Variants in ACACA observed in about 807,000 individuals in gnomAD.
The protein encoded by ACACA is acetyl-CoA carboxylase 1.
Under a neutral mutation model 296.1 loss-of-function variants are expected in ACACA, and 103 were observed. That is an observed-to-expected ratio of 0.35 (90% CI 0.30 to 0.41). The LOEUF is 0.41. ACACA is among the 10% of genes least tolerant of loss of function. The probability of loss-of-function intolerance (pLI) is 1.00; values close to 1 mark genes in which losing one functional copy is unlikely to be tolerated. For synonymous variants in ACACA, 953 were observed against 1,038.6 expected, an observed-to-expected ratio of 0.92 and a Z score of 1.58; for missense variants, 1,554 against 2,989.7, an observed-to-expected ratio of 0.52 and a Z score of 11.20.
chr17:37,195,892 C>T (rs2077973854), intron 35 of ACACA, among the ~76,000 whole-genome samples: 1 of 152,050 alleles, frequency 6.6e-6, no homozygotes, highest in African/African-American at 2.4e-5. Context: ...GGGCAAATAT[C>T]ATAATTGAAT....
At chr17:37,110,408 A>G (rs1258834739) in intron 52 of ACACA, among the ~76,000 whole-genome samples, 1 of 152,360 alleles carries the variant, frequency 6.6e-6, no homozygotes, top group Non-Finnish European at 1.5e-5. Context: ...GTGGCAATAG[A>G]TTTTAGAAAC....
chr17:37,293,539 C>CTTTTTTTTTTTTTT (rs58534025), intron 3 of ACACA, among the ~76,000 whole-genome samples: 2 of 124,612 alleles, frequency 1.6e-5, no homozygotes, highest in African/African-American at 3.0e-5. Flanking sequence ...AATTTTAGGA[C>CTTTTTTTTTTTTTT]TTTTTTTTTT....
At chr17:37,358,681 G>T (rs2049259084) in intron 1 of ACACA, among the ~76,000 whole-genome samples, 1 of 152,238 alleles carries the variant, frequency 6.6e-6, no homozygotes, top group Admixed American at 6.5e-5. Context: ...GGGCAAGAGG[G>T]GTGGCGGGCG....
chr17:37,187,275 C>A (rs1171715290), intron 39 of ACACA, among the ~76,000 whole-genome samples: 2 of 152,174 alleles, frequency 1.3e-5, no homozygotes, highest in African/African-American at 4.8e-5. Flanking sequence ...TTTAAAAATT[C>A]ATCTTCAAAA....
At chr17:37,127,121 T>C (rs971365054) in intron 47 of ACACA, among the ~76,000 whole-genome samples, 2 of 152,214 alleles carry the variant, frequency 1.3e-5, no homozygotes, top group Admixed American at 1.3e-4. Context: ...AATTTCATTT[T>C]ATTCTGTGGA....
At chr17:37,329,800 G>A (rs1221548490) in intron 3 of ACACA, among the ~76,000 whole-genome samples, 1 of 151,940 alleles carries the variant, frequency 6.6e-6, no homozygotes, top group Non-Finnish European at 1.5e-5. Flanking sequence ...AATTAGCTGG[G>A]CATGGTGGCA....
At chr17:37,211,261 C>T (rs1007581611) in intron 29 of ACACA, among the ~76,000 whole-genome samples, 3 of 152,076 alleles carry the variant, frequency 2.0e-5, no homozygotes, top group Non-Finnish European at 2.9e-5. Flanking sequence ...AAACTCTAGG[C>T]CTCTCATAAA....
Position 37,122,640 on chromosome 17 carries a change from G to A in ACACA, c.6042-13C>T. The stretch of plus-strand genomic sequence containing the variant: ...TATTCCTCCTAGCCTGATAAAACAT[G>A]AGTCACATAAGAACCCAATGTATGT... On this transcript the variant is annotated splice_polypyrimidine_tract_variant and intron_variant, in intron 48 of 55. Transcript: ENST00000616317. 1 of 1,610,392 alleles carries A rather than the reference G, an allele frequency of 6.2e-7. No homozygotes were observed. The highest frequency in any genetic ancestry group is 8.5e-7 in the Non-Finnish European group (1 of 1,176,594).
At chr17:37,342,436 A>AAATATAT (rs1555652530) in intron 1 of ACACA, among the ~76,000 whole-genome samples, 3 of 58,216 alleles carry the variant, frequency 5.2e-5, no homozygotes, top group South Asian at 8.8e-4. Context: ...AAAAAAAAAA[A>AAATATAT]ATATATATAT....
At chr17:37,337,623 TTTG>T (rs532261639) in intron 2 of ACACA, among the ~76,000 whole-genome samples, 14 of 151,862 alleles carry the variant, frequency 9.2e-5, no homozygotes, top group Non-Finnish European at 1.6e-4. Context: ...CTGGCTACTT[TTTG>T]TTTTTTTGTA....
chr17:37,192,035 C>T (rs184537589), intron 37 of ACACA, 55 bp downstream of exon 37: 6 of 1,535,886 alleles, frequency 3.9e-6, no homozygotes, highest in Non-Finnish European at 5.4e-6. Flanking sequence ...TGAATCATAT[C>T]TATTATTCTG....
intron 2 of ACACA, among the ~76,000 whole-genome samples, chr17:37,332,638 C>T (rs958497490): frequency 1.3e-5 from 2 of 151,148 alleles, no homozygotes; most frequent in East Asian, 1.9e-4. Context: ...TGGCCGGACG[C>T]GGTGGCTCAC....
chr17:37,234,868 T>C (rs2080032196), intron 25 of ACACA, 107 bp downstream of exon 25: 9 of 1,289,360 alleles, frequency 7.0e-6, no homozygotes, highest in Non-Finnish European at 8.8e-6. Flanking sequence ...CATCCCATAA[T>C]TATAAAAGGC....
At chr17:37,281,740 C>T (rs941977714) in intron 5 of ACACA, among the ~76,000 whole-genome samples, 1 of 152,128 alleles carries the variant, frequency 6.6e-6, no homozygotes, top group Admixed American at 6.5e-5. Flanking sequence ...GTGGCACACA[C>T]CTGTAGTCCC....
intron 47 of ACACA, 55 bp from the exon 48 acceptor site, chr17:37,125,849 T>A (rs1190594175): frequency 6.7e-7 from 1 of 1,492,892 alleles, no homozygotes; most frequent in East Asian, 2.3e-5. Context: ...CCATTGACAA[T>A]GTGCTGGAAC....
intron 1 of ACACA, chr17:37,392,755 T>C (rs980240075): frequency 6.6e-6 from 1 of 151,570 alleles, no homozygotes; most frequent in Non-Finnish European, 1.5e-5. Flanking sequence ...CAGGGGAAAA[T>C]CTCACCCTAA....
chr17:37,240,454 G>A (rs1362132346), intron 24 of ACACA, 22 bp downstream of exon 24: 7 of 1,608,320 alleles, frequency 4.4e-6, no homozygotes, highest in Non-Finnish European at 5.1e-6. Context: ...CTTAGCTAGA[G>A]AGTCCTCAGG....
chr17:37,202,586 C>A (rs2078297172), intron 33 of ACACA, among the ~76,000 whole-genome samples: 1 of 149,058 alleles, frequency 6.7e-6, no homozygotes, highest in African/African-American at 2.5e-5. Context: ...CTGCTAGGAG[C>A]ATGATCATGA....
chr17:37,151,504 G>A lies in ACACA; in HGVS notation c.5448-83C>T, dbSNP rs570687674. 3.5e-4 allele frequency: 537 copies of A among 1,540,112 alleles called. 1 individual carries two copies. Among genetic ancestry groups the A allele is most frequent in the Middle Eastern group, 5.1e-4 (3 of 5,848 alleles). On this transcript the variant is annotated intron_variant, in intron 43 of 55. Coordinates refer to ENST00000616317, the MANE Select transcript of ACACA (RefSeq NM_198834.3). ...AAAAGAATAATCACCAATAAAAGGC[G>A]GCTAAAAGTGTATTGAAAGCTTATA...
Sources: allele counts gnomAD v4.1 joint callset (sites outside exome capture counted in the v4.1 genomes callset), GRCh38; gene constraint gnomAD v4.1.1; transcripts MANE v1.5; gene names NCBI Gene and HGNC (gene_info 2026-07-23, HGNC 2026-07-21).